The following DNAJB6 variants were observed in gnomAD, a reference collection of about 807,000 sequenced individuals.
The protein encoded by DNAJB6 is dnaJ homolog subfamily B member 6.
DNAJB6 carries 16 observed loss-of-function variants against 42.7 expected under a neutral mutation model. The observed-to-expected ratio is 0.37, with a 90% CI of 0.25 to 0.57. The LOEUF is 0.57. Among genes scored for constraint, DNAJB6 ranks in the 20% least tolerant of loss-of-function variants. The pLI, the probability that DNAJB6 is intolerant of heterozygous loss-of-function variation, is 0.74. For synonymous variants in DNAJB6, 170 were observed against 163.5 expected, an observed-to-expected ratio of 1.04 and a Z score of -0.30; for missense variants, 347 against 416.8, an observed-to-expected ratio of 0.83 and a Z score of 1.46.
chr7:157,382,357 G>A lies in DNAJB6; in HGVS notation c.458G>A (p.Gly153Glu). 6.2e-7 allele frequency: 1 copy of A among 1,610,290 alleles called. No homozygotes were observed. The highest frequency in any genetic ancestry group is 1.1e-5 in the South Asian group (1 of 90,544). ...AFSGFPSFGS[G>E]FSSFDTGFTS... is the part of the protein sequence containing the mutation. ...AGTGGATTTCCGTCTTTTGGAAGTG[G>A]ATTTTCTTCTTTTGATACAGGTATT... Residue 153 changes from glycine to glutamate, a missense_variant, in exon 6 of 10, where the codon GGA becomes GAA. Transcript: ENST00000262177.
rs934127888 is a variant in DNAJB6 at position 157,361,495 on chromosome 7, T to G, written c.66-1666T>G. Among the ~76,000 whole-genome samples, 3 of 152,204 alleles carry G rather than the reference T, an allele frequency of 2.0e-5. No homozygotes were observed. In the East Asian group the frequency reaches 5.8e-4, roughly 29 times the overall value. ...TTAGGTCCACAGTGACATAAATTACTGTTAAGTATTCTGGACTCCAGCTTT... is the reference window on the plus strand; with the variant it reads ...TTAGGTCCACAGTGACATAAATTACGGTTAAGTATTCTGGACTCCAGCTTT... On this transcript the variant is annotated intron_variant, in intron 2 of 9. Transcript: ENST00000262177.
At chr7:157,398,352 A>G (rs903609829) in intron 8 of DNAJB6, among the ~76,000 whole-genome samples, 2 of 152,206 alleles carry the variant, frequency 1.3e-5, no homozygotes, top group Admixed American at 6.5e-5. Context: ...TTGTGTAAGT[A>G]GCGACTAACC....
chr7:157,357,277 TCCTTCCTTCCG>T lies in DNAJB6; in HGVS notation c.-26-1269_-26-1259del. Among the ~76,000 whole-genome samples, 5 of 45,448 alleles carry T rather than the reference TCCTTCCTTCCG, an allele frequency of 1.1e-4. No individual in the cohort carries two copies. The South Asian group carries it at 1.9e-3, about 17-fold the overall frequency. 29.8% of individuals were successfully genotyped at this position (45,448 alleles called of 152,430 possible). On this transcript the variant is annotated intron_variant, in intron 1 of 9. Coordinates refer to ENST00000262177, the MANE Select transcript of DNAJB6 (RefSeq NM_058246.4). ...TTCCTTCCTTCCGTCCTTCCTTCCG[TCCTTCCTTCCG>T]TCCTTCCTTCCTTCCTTCCTTCCTT...
chr7:157,392,166 G>A (rs1264555855), intron 8 of DNAJB6, among the ~76,000 whole-genome samples: 5 of 150,908 alleles, frequency 3.3e-5, no homozygotes, highest in South Asian at 4.2e-4. Context: ...TATCAACAAC[G>A]GATTGGGGTC....
Position 157,381,368 on chromosome 7 carries a change from C to A in DNAJB6, c.347-878C>A, listed in dbSNP as rs568680592. 2.0e-5 allele frequency: 3 copies of A among 152,160 alleles called. No individual in the cohort carries two copies. The South Asian group carries it at 6.2e-4, about 32-fold the overall frequency. 9.4% of individuals were successfully genotyped at this position (152,160 alleles called of 1,614,324 possible). ...ATTCCTTGCTTTTATCACAGGTTTC[C>A]CATTTTTCTGAAAAAATTACAGTAA... On this transcript the variant is annotated intron_variant, in intron 5 of 9. Coordinates refer to ENST00000262177, the MANE Select transcript of DNAJB6 (RefSeq NM_058246.4).
chr7:157,402,901 C>T (rs551733004), intron 8 of DNAJB6, among the ~76,000 whole-genome samples: 9 of 152,332 alleles, frequency 5.9e-5, no homozygotes, highest in African/African-American at 1.2e-4. Flanking sequence ...GGTCTGCCTT[C>T]GTACTGTGAA....
chr7:157,337,351 C>T (rs961670265), intron 1 of DNAJB6, among the ~76,000 whole-genome samples: 1 of 151,186 alleles, frequency 6.6e-6, no homozygotes, highest in Non-Finnish European at 1.5e-5. Flanking sequence ...GGGGCCGGGG[C>T]CGGGGCTGGG....
chr7:157,364,662 AT>A lies in DNAJB6; in HGVS notation c.175+1394del, dbSNP rs554281204. Among the ~76,000 whole-genome samples the A allele has an allele frequency of 2.2e-4, 34 of 152,252 alleles. No homozygotes were observed. The South Asian group carries it at 3.3e-3, about 15-fold the overall frequency. ...CTTGTTGTTTGTGTGCTAATTCAGT[AT>A]TGCCAGATTCAGGATTTTAGGGACT... On this transcript the variant is annotated intron_variant, in intron 3 of 9. Coordinates refer to ENST00000262177, the MANE Select transcript of DNAJB6 (RefSeq NM_058246.4).
chr7:157,395,669 T>A (rs1801547081), intron 8 of DNAJB6, among the ~76,000 whole-genome samples: 1 of 151,758 alleles, frequency 6.6e-6, no homozygotes, highest in Admixed American at 6.6e-5. Flanking sequence ...ACATTCATTC[T>A]ACGTTTTTTC....
chr7:157,379,893 C>G (rs116476259), intron 5 of DNAJB6: 3 of 144,572 alleles, frequency 2.1e-5, no homozygotes, highest in Non-Finnish European at 4.5e-5. Context: ...CTCACTGTAT[C>G]CTCCACCTCC....
chr7:157,367,317 C>A (rs1046654136), intron 4 of DNAJB6, 56 bp from the exon 5 acceptor site: 16 of 1,143,726 alleles, frequency 1.4e-5, no homozygotes, highest in South Asian at 1.3e-5. Context: ...ACAAAGAATT[C>A]TTTGCCTACA....
intron 1 of DNAJB6, among the ~76,000 whole-genome samples, chr7:157,356,680 A>G (rs1159933499): frequency 6.6e-6 from 1 of 152,230 alleles, no homozygotes; most frequent in Non-Finnish European, 1.5e-5. Context: ...TTTATTATGT[A>G]TCCAGCAAAG....
Position 157,359,248 on chromosome 7 carries a change from A to C in DNAJB6, c.65+611A>C, listed in dbSNP as rs191011005. Among the ~76,000 whole-genome samples the C allele has an allele frequency of 6.1e-3, 931 of 152,358 alleles. 4 individuals carry two copies. The highest frequency in any genetic ancestry group is 1.0e-2 in the Non-Finnish European group (678 of 68,034). ...TTAGATTTTAACATAGCTAGAGAGC[A>C]GTTAGCCTGGAATAGTTGGAACCAA... On this transcript the variant is annotated intron_variant, in intron 2 of 9. Coordinates refer to ENST00000262177, the MANE Select transcript of DNAJB6 (RefSeq NM_058246.4).
intron 1 of DNAJB6, among the ~76,000 whole-genome samples, chr7:157,348,810 C>G (rs528831092): frequency 2.0e-5 from 3 of 152,266 alleles, no homozygotes; most frequent in Middle Eastern, 3.4e-3. Flanking sequence ...CCAGCACCCT[C>G]ACACTGACGT....
intron 2 of DNAJB6, among the ~76,000 whole-genome samples, chr7:157,361,412 C>T (rs994362439): frequency 2.0e-5 from 3 of 152,186 alleles, no homozygotes; most frequent in African/African-American, 7.2e-5. Context: ...CTGCCTCAGC[C>T]TCCCAAAGTG....
At chr7:157,342,859 C>G (rs974351776) in intron 1 of DNAJB6, among the ~76,000 whole-genome samples, 1 of 151,642 alleles carries the variant, frequency 6.6e-6, no homozygotes, top group Non-Finnish European at 1.5e-5. Flanking sequence ...GAAATAACTT[C>G]TGTGTTTGTT....
At chr7:157,343,180 A>C (rs1326856989) in intron 1 of DNAJB6, among the ~76,000 whole-genome samples, 1 of 147,860 alleles carries the variant, frequency 6.8e-6, no homozygotes, top group Admixed American at 6.7e-5. Flanking sequence ...TTTTTTTTTA[A>C]GACAGAGTCT....
chr7:157,364,060 C>G (rs893875598), intron 3 of DNAJB6, among the ~76,000 whole-genome samples: 1 of 151,940 alleles, frequency 6.6e-6, no homozygotes, highest in Admixed American at 6.6e-5. Flanking sequence ...TTAAGTGTAT[C>G]TGCATGTGGT....
intron 5 of DNAJB6, among the ~76,000 whole-genome samples, chr7:157,370,243 CT>C (rs1800130779): frequency 2.7e-5 from 4 of 150,090 alleles, no homozygotes. Context: ...TAAACAGGCC[CT>C]TTCTTAACAT....
Sources: gnomAD v4.1 joint callset for allele counts (sites outside exome capture counted in the v4.1 genomes callset) on GRCh38, gnomAD v4.1.1 for gene constraint, MANE v1.5 for transcripts, NCBI Gene and HGNC (gene_info 2026-07-23, HGNC 2026-07-21) for gene names.